EYS: variants seen among roughly 807,000 people sequenced by gnomAD.
EYS encodes the protein protein eyes shut homolog.
In EYS, 250 loss-of-function variants were observed where a neutral mutation model predicts 282.1. That is an observed-to-expected ratio of 0.89 (90% confidence interval 0.80 to 0.98). The LOEUF is 0.98. Ranked by LOEUF, EYS falls within the 50% of genes least tolerant of loss-of-function variation. The pLI is 0.00. For synonymous variants in EYS, 1,355 were observed against 1,282.9 expected (o/e 1.06, Z -1.20); for missense variants, 4,016 against 3,709.0 (o/e 1.08, Z -2.15).
chr6:65,176,414 A>C (rs1315500578), intron 12 of EYS, among the ~76,000 whole-genome samples: 1 of 151,706 alleles, frequency 6.6e-6, no homozygotes, highest in Non-Finnish European at 1.5e-5. Flanking sequence ...TGACACAGAA[A>C]TAGCAAGATA....
At chr6:64,108,294 G>T (rs1046712716) in intron 31 of EYS, among the ~76,000 whole-genome samples, 1 of 152,038 alleles carries the variant, frequency 6.6e-6, no homozygotes, top group African/African-American at 2.4e-5. Flanking sequence ...TGGTTCTCAC[G>T]GAGATTTCTG....
At chr6:64,423,913 T>C (rs1195982636) in intron 28 of EYS, among the ~76,000 whole-genome samples, 1 of 152,208 alleles carries the variant, frequency 6.6e-6, no homozygotes, top group Non-Finnish European at 1.5e-5. Flanking sequence ...ATAAACTTAA[T>C]ATGAACACAA....
At chr6:64,728,275 AT>A (rs1034225083) in intron 22 of EYS, among the ~76,000 whole-genome samples, 34 of 152,042 alleles carry the variant, frequency 2.2e-4, no homozygotes, top group African/African-American at 8.2e-4. Context: ...TAAAAAAAAA[AT>A]GTAAACTAAT....
intron 7 of EYS, among the ~76,000 whole-genome samples, chr6:65,388,629 T>C (rs1168808021): frequency 6.6e-6 from 1 of 151,968 alleles, no homozygotes; most frequent in East Asian, 1.9e-4. Flanking sequence ...ACCAAAGTGG[T>C]GACTTAGTAG....
intron 2 of EYS, among the ~76,000 whole-genome samples, chr6:65,605,072 T>C (rs1166904803): frequency 6.6e-6 from 1 of 150,880 alleles, no homozygotes; most frequent in East Asian, 1.9e-4. Flanking sequence ...CTTGAACTCC[T>C]GGACTCAAGC....
chr6:64,480,476 T>C (rs937948626), intron 26 of EYS, among the ~76,000 whole-genome samples: 2 of 151,608 alleles, frequency 1.3e-5, no homozygotes, highest in South Asian at 4.2e-4. Flanking sequence ...ATGGGAAGAG[T>C]GAAGAAAAAG....
intron 35 of EYS, among the ~76,000 whole-genome samples, chr6:63,890,499 G>T (rs985050794): frequency 1.3e-5 from 2 of 151,946 alleles, no homozygotes; most frequent in African/African-American, 4.8e-5. Context: ...ATGACTACTG[G>T]GTAAATAACA....
At chr6:63,746,329 T>C (rs1769209850) in intron 41 of EYS, among the ~76,000 whole-genome samples, 2 of 152,234 alleles carry the variant, frequency 1.3e-5, no homozygotes, top group South Asian at 2.1e-4. Flanking sequence ...AGTTTGCCAG[T>C]ATTTTATTGA....
In EYS at chr6:63,837,423, G is replaced by A. The variant is rs932919349; in HGVS notation, c.7228+26763C>T. On this transcript the variant is annotated intron_variant, in intron 36 of 42. Coordinates refer to ENST00000503581, the MANE Select transcript of EYS (RefSeq NM_001142800.2). ...TGTCATTTTCAGTTAGCATTCTGAA[G>A]TTGAGGTGGCAAATATATGTCCAGA... is the stretch of plus-strand genomic sequence containing the variant. Among the ~76,000 whole-genome samples the A allele has an allele frequency of 6.5e-4, 99 of 152,028 alleles. 1 individual carries two copies. Among genetic ancestry groups the A allele is most frequent in the Non-Finnish European group, 7.7e-4 (52 of 67,960 alleles).
intron 12 of EYS, among the ~76,000 whole-genome samples, chr6:65,220,399 T>A (rs747140192): frequency 5.3e-5 from 8 of 152,038 alleles, no homozygotes; most frequent in Non-Finnish European, 1.0e-4. Context: ...TGAGGGCATG[T>A]TTTTCTCATG....
At chr6:63,935,743 T>C (rs1318589184) in intron 35 of EYS, among the ~76,000 whole-genome samples, 1 of 152,216 alleles carries the variant, frequency 6.6e-6, no homozygotes, top group East Asian at 1.9e-4. Context: ...GTTTAAGTCA[T>C]CCAGTCTGTG....
intron 26 of EYS, among the ~76,000 whole-genome samples, chr6:64,440,633 T>C (rs1037708178): frequency 2.0e-5 from 3 of 152,116 alleles, no homozygotes; most frequent in Non-Finnish European, 2.9e-5. Context: ...TCAATGGTGA[T>C]GTTAAAAGCA....
chr6:64,995,605 CTTACAG>C (rs1337879867), intron 14 of EYS, among the ~76,000 whole-genome samples: 3 of 152,046 alleles, frequency 2.0e-5, no homozygotes, highest in Non-Finnish European at 2.9e-5. Flanking sequence ...TGATATATGA[CTTACAG>C]TTAGGAGTTA....
chr6:64,137,163 C>T (rs1774188906), intron 31 of EYS, among the ~76,000 whole-genome samples: 1 of 152,164 alleles, frequency 6.6e-6, no homozygotes, highest in Non-Finnish European at 1.5e-5. Flanking sequence ...CCTCTGCTGG[C>T]TTCAGACTTT....
At chr6:63,860,271 A>AT (rs1317284828) in intron 36 of EYS, among the ~76,000 whole-genome samples, 2 of 152,010 alleles carry the variant, frequency 1.3e-5, no homozygotes, top group African/African-American at 4.8e-5. Context: ...CTCGAGGGGG[A>AT]TTTTTTTGTG....
intron 11 of EYS, among the ~76,000 whole-genome samples, chr6:65,308,526 G>GA (rs1406455831): frequency 9.2e-5 from 11 of 119,074 alleles, no homozygotes; most frequent in African/African-American, 3.5e-4. Flanking sequence ...AGCCTTCTCA[G>GA]AAAAAACTCC....
At chr6:64,395,285 T>C (rs1773320976) in intron 28 of EYS, among the ~76,000 whole-genome samples, 1 of 152,148 alleles carries the variant, frequency 6.6e-6, no homozygotes, top group Non-Finnish European at 1.5e-5. Context: ...TTACTGGGTA[T>C]ATACCCAAAG....
chr6:64,822,795 T>G lies in EYS; in HGVS notation c.3020A>C (p.Glu1007Ala). Residue 1007 changes from glutamate (E) to alanine (A), a missense_variant, in exon 20 of 43, where the codon GAA (glutamate) becomes GCA (alanine). Coordinates refer to ENST00000503581, the MANE Select transcript of EYS (RefSeq NM_001142800.2). ...ATGGAGACAGGGCTCTGATAGGCAT[T>G]CATCTAGATTTATTTCACAGTTGAT... ...TGINCEINLD[E>A]CLSEPCLHDG... is the part of the protein sequence containing the mutation. The G allele has an allele frequency of 6.5e-7, 1 of 1,549,708 alleles. No homozygotes were observed. The highest frequency in any genetic ancestry group is 8.7e-7 in the Non-Finnish European group (1 of 1,145,766).
chr6:64,693,271 A>C (rs1051220567), intron 22 of EYS, among the ~76,000 whole-genome samples: 3 of 151,710 alleles, frequency 2.0e-5, no homozygotes, highest in African/African-American at 7.3e-5. Flanking sequence ...CTTGATCTTA[A>C]TTTCATCATG....
Sources: gnomAD v4.1 joint callset for allele counts (sites outside exome capture counted in the v4.1 genomes callset) on GRCh38, gnomAD v4.1.1 for gene constraint, MANE v1.5 for transcripts, NCBI Gene and HGNC (gene_info 2026-07-23, HGNC 2026-07-21) for gene names.